SLC25A48: variants seen among roughly 807,000 people sequenced by gnomAD.
SLC25A48 encodes solute carrier family 25 member 48, also known as CTC-321K16.1.
In SLC25A48, 29 loss-of-function variants were observed where a neutral mutation model predicts 32.2. That is an observed-to-expected ratio of 0.90 (90% CI 0.67 to 1.23). The LOEUF (loss-of-function observed/expected upper bound fraction) is 1.23, where lower values mean the gene tolerates loss of function less well. SLC25A48 is among the 50% of genes most tolerant of loss of function. The pLI is 0.00. For missense variants in SLC25A48, 399 were observed against 422.7 expected, an observed-to-expected ratio of 0.94 and a Z score of 0.49; for synonymous variants, 164 against 172.3, an observed-to-expected ratio of 0.95 and a Z score of 0.38.
chr5:135,824,948 G>A (rs1360068188), intron 4 of SLC25A48: 1 of 152,318 alleles, frequency 6.6e-6, no homozygotes, highest in Non-Finnish European at 1.5e-5. Context: ...GCGGCCCTTG[G>A]AGCAAGGTGT....
intron 3 of SLC25A48, among the ~76,000 whole-genome samples, chr5:135,728,765 A>G (rs1755151607): frequency 6.6e-6 from 1 of 151,804 alleles, no homozygotes; most frequent in African/African-American, 2.4e-5. Flanking sequence ...TTATCAGCTC[A>G]GGCCACTTTC....
chr5:135,715,986 T>G (rs938157831), intron 3 of SLC25A48, among the ~76,000 whole-genome samples: 7 of 152,178 alleles, frequency 4.6e-5, no homozygotes, highest in Non-Finnish European at 7.3e-5. Context: ...CCTGTGAGAT[T>G]TGATTGTTTA....
At chr5:135,791,070 T>A (rs918223268) in intron 3 of SLC25A48, among the ~76,000 whole-genome samples, 2 of 151,882 alleles carry the variant, frequency 1.3e-5, no homozygotes, top group African/African-American at 4.8e-5. Context: ...TGTAATATTT[T>A]AGGGAGATTT....
chr5:135,843,008 C>G (rs1759130873), intron 2 of SLC25A48, among the ~76,000 whole-genome samples: 1 of 152,192 alleles, frequency 6.6e-6, no homozygotes, highest in African/African-American at 2.4e-5. Flanking sequence ...CAGAGAGGAG[C>G]CTCACAGACC....
chr5:135,832,003 A>G (rs1184423765), upstream of SLC25A48, among the ~76,000 whole-genome samples: 1 of 152,056 alleles, frequency 6.6e-6, no homozygotes, highest in African/African-American at 2.4e-5. Flanking sequence ...AGACCTTGGG[A>G]GAGAGAAATG....
At chr5:135,838,022 G>A (rs1298485069) in intron 1 of SLC25A48, among the ~76,000 whole-genome samples, 1 of 152,236 alleles carries the variant, frequency 6.6e-6, no homozygotes, top group Non-Finnish European at 1.5e-5. Context: ...GCTTCCTAGA[G>A]ACTTGTTGAA....
intron 3 of SLC25A48, among the ~76,000 whole-genome samples, chr5:135,768,912 G>A (rs907064632): frequency 5.3e-5 from 8 of 151,700 alleles, no homozygotes; most frequent in African/African-American, 1.9e-4. Flanking sequence ...GACATTACTC[G>A]CAATATCGCA....
chr5:135,583,489 G>T (rs1751281192), intron 1 of SLC25A48, among the ~76,000 whole-genome samples: 1 of 151,898 alleles, frequency 6.6e-6, no homozygotes, highest in Non-Finnish European at 1.5e-5. Context: ...CAGAAGAGGA[G>T]TCCTTTTTAC....
Position 135,689,759 on chromosome 5 carries a change from G to A in SLC25A48, c.-521+54803G>A, listed in dbSNP as rs189835468. Among the ~76,000 whole-genome samples the A allele has an allele frequency of 7.9e-5, 12 of 152,296 alleles. No homozygotes were observed. The East Asian group carries it at 1.2e-3, about 15-fold the overall frequency. ...CGCTGAATTGTGCAAGACATTTCCC[G>A]AAAATAGCTTACAAGAGCAACCCAG... On this transcript the variant is annotated intron_variant, in intron 3 of 10. Coordinates refer to the SLC25A48 transcript ENST00000646290.
chr5:135,807,752 T>C (rs1757496483), intron 3 of SLC25A48, among the ~76,000 whole-genome samples: 1 of 118,738 alleles, frequency 8.4e-6, no homozygotes, highest in African/African-American at 2.6e-5. Context: ...ATAAATATCA[T>C]AGATATTTTA....
chr5:135,667,808 C>T (rs1753558437), intron 3 of SLC25A48, among the ~76,000 whole-genome samples: 1 of 152,164 alleles, frequency 6.6e-6, no homozygotes, highest in Non-Finnish European at 1.5e-5. Flanking sequence ...GGTGAAACAC[C>T]TTCATTGTTT....
At chr5:135,730,305 C>T (rs896180461) in intron 3 of SLC25A48, among the ~76,000 whole-genome samples, 2 of 152,070 alleles carry the variant, frequency 1.3e-5, no homozygotes, top group Non-Finnish European at 2.9e-5. Flanking sequence ...CTCATGGGGG[C>T]CAAGTCTTTC....
chr5:135,746,666 A>G (rs1755650123), intron 3 of SLC25A48, among the ~76,000 whole-genome samples: 1 of 152,210 alleles, frequency 6.6e-6, no homozygotes, highest in Non-Finnish European at 1.5e-5. Flanking sequence ...TCCTAAGAAC[A>G]CAGGCATTCT....
In SLC25A48 at chr5:135,630,588, CTTTTTTTTTTTTTT is replaced by C. The variant is rs869088370; in HGVS notation, c.-709+1232_-709+1245del. 3.8e-3 allele frequency among the ~76,000 whole-genome samples: 222 copies of C among 58,948 alleles called. 1 individual carries two copies. The highest frequency in any genetic ancestry group is 0.019 in the Middle Eastern group (1 of 54). 38.7% of individuals were successfully genotyped at this position (58,948 alleles called of 152,430 possible). ...AGGGGAAGATGGTTAGGCTGGGCACCTTTTTTTTTTTTTTTTTTTTTTTTTTTTTTTTTGAGAGA... is the reference window on the plus strand; with the variant it reads ...AGGGGAAGATGGTTAGGCTGGGCACCTTTTTTTTTTTTTTTTTTTGAGAGA... On this transcript the variant is annotated intron_variant, in intron 2 of 10. Coordinates refer to the SLC25A48 transcript ENST00000646290.
intron 1 of SLC25A48, among the ~76,000 whole-genome samples, chr5:135,616,554 C>T (rs1293845835): frequency 6.6e-6 from 1 of 152,200 alleles, no homozygotes; most frequent in Admixed American, 6.5e-5. Flanking sequence ...GGAATGGGAG[C>T]ACTTACCCAA....
intron 7 of SLC25A48, among the ~76,000 whole-genome samples, chr5:135,881,914 A>G (rs145461902): frequency 6.6e-6 from 1 of 152,336 alleles, no homozygotes; most frequent in African/African-American, 2.4e-5. Context: ...ATCTTCAGCT[A>G]CAAGATGGTT....
intron 3 of SLC25A48, among the ~76,000 whole-genome samples, chr5:135,699,623 G>A (rs958379242): frequency 6.6e-6 from 1 of 152,208 alleles, no homozygotes; most frequent in African/African-American, 2.4e-5. Flanking sequence ...ACTGGAACAC[G>A]TGAGATCTGT....
chr5:135,863,636 A>G (rs1760977013), intron 4 of SLC25A48, among the ~76,000 whole-genome samples: 1 of 152,170 alleles, frequency 6.6e-6, no homozygotes, highest in African/African-American at 2.4e-5. Context: ...CAGCAACCCT[A>G]TGAAATAGGC....
intron 1 of SLC25A48, among the ~76,000 whole-genome samples, chr5:135,610,147 G>A (rs961780265): frequency 2.0e-5 from 3 of 152,140 alleles, no homozygotes; most frequent in Non-Finnish European, 4.4e-5. Flanking sequence ...GCTCCAGCAT[G>A]GAGAGCCCAG....
Sources: gnomAD v4.1 joint callset for allele counts (sites outside exome capture counted in the v4.1 genomes callset) on GRCh38, gnomAD v4.1.1 for gene constraint, MANE v1.5 for transcripts, NCBI Gene and HGNC (gene_info 2026-07-23, HGNC 2026-07-21) for gene names.